CENPW: variants seen among roughly 807,000 people sequenced by gnomAD.
The protein encoded by CENPW is cancer-up-regulated gene 2 protein.
CENPW carries 3 observed loss-of-function variants against 11.1 expected under a neutral mutation model. The ratio of observed to expected loss-of-function variants is 0.27; its 90% confidence interval spans 0.12 to 0.70. CENPW has a LOEUF of 0.70. Among genes scored for constraint, CENPW ranks in the 30% least tolerant of loss-of-function variants. The probability of loss-of-function intolerance (pLI) is 0.77; values close to 1 mark genes in which losing one functional copy is unlikely to be tolerated. For synonymous variants in CENPW, 38 were observed against 42.0 expected (o/e 0.91, Z 0.37); for missense variants, 100 against 105.6 (o/e 0.95, Z 0.23).
chr6:126,377,840 G>T, the CENPW span, among the ~76,000 whole-genome samples: 2 of 152,088 alleles, frequency 1.3e-5, no homozygotes, highest in East Asian at 3.9e-4. Flanking sequence ...CCAGAACCTT[G>T]GAGAACCTTC....
chr6:126,427,548 C>T, the CENPW span, among the ~76,000 whole-genome samples: 1 of 152,194 alleles, frequency 6.6e-6, no homozygotes, highest in Non-Finnish European at 1.5e-5. Flanking sequence ...AGATAACCCT[C>T]CTTACACTAC....
the CENPW span, among the ~76,000 whole-genome samples, chr6:126,374,504 A>C: frequency 6.6e-6 from 1 of 152,250 alleles, no homozygotes; most frequent in Non-Finnish European, 1.5e-5. Flanking sequence ...AAAGACAGGC[A>C]TAGACATGGT....
the CENPW span, among the ~76,000 whole-genome samples, chr6:126,376,420 T>G: frequency 3.9e-5 from 6 of 152,164 alleles, no homozygotes; most frequent in Non-Finnish European, 7.4e-5. Flanking sequence ...TCTCTAGTCT[T>G]GTACTGTTCT....
the CENPW span, among the ~76,000 whole-genome samples, chr6:126,464,965 C>T: frequency 1.3e-5 from 2 of 152,036 alleles, no homozygotes; most frequent in Non-Finnish European, 2.9e-5. Flanking sequence ...ACAGGGATGT[C>T]CAGTATTACC....
the CENPW span, among the ~76,000 whole-genome samples, chr6:126,430,748 A>G: frequency 1.3e-5 from 2 of 152,014 alleles, no homozygotes; most frequent in Non-Finnish European, 2.9e-5. Context: ...TCAGGAGATC[A>G]AGACCATCCT....
At chr6:126,362,180 T>C in the CENPW span, among the ~76,000 whole-genome samples, 1 of 152,166 alleles carries the variant, frequency 6.6e-6, no homozygotes, top group Non-Finnish European at 1.5e-5. Flanking sequence ...GGTAGTCAGC[T>C]GGGGCTGGAG....
At chr6:126,397,338 C>G in the CENPW span, among the ~76,000 whole-genome samples, 1 of 152,130 alleles carries the variant, frequency 6.6e-6, no homozygotes, top group Admixed American at 6.6e-5. Context: ...GATAGGGAAG[C>G]ACTGAATTCA....
chr6:126,450,063 C>T, the CENPW span, among the ~76,000 whole-genome samples: 1 of 151,022 alleles, frequency 6.6e-6, no homozygotes, highest in Non-Finnish European at 1.5e-5. Context: ...TCCAACTGTT[C>T]AGAAGATGCA....
At chr6:126,384,110 T>C in the CENPW span, among the ~76,000 whole-genome samples, 1 of 152,010 alleles carries the variant, frequency 6.6e-6, no homozygotes, top group African/African-American at 2.4e-5. Flanking sequence ...CTCAAAACCA[T>C]GTAATTACAT....
the CENPW span, among the ~76,000 whole-genome samples, chr6:126,434,584 G>A: frequency 6.6e-6 from 1 of 151,926 alleles, no homozygotes; most frequent in Non-Finnish European, 1.5e-5. Flanking sequence ...TATTCATTGT[G>A]TGTATGAAAA....
the CENPW span, among the ~76,000 whole-genome samples, chr6:126,444,414 T>C: frequency 6.6e-6 from 1 of 150,940 alleles, no homozygotes; most frequent in Non-Finnish European, 1.5e-5. Flanking sequence ...AATTTTCCTT[T>C]TTCTATATTC....
the CENPW span, among the ~76,000 whole-genome samples, chr6:126,481,574 A>G: frequency 6.6e-6 from 1 of 152,048 alleles, no homozygotes; most frequent in African/African-American, 2.4e-5. Flanking sequence ...TCCAGCAATA[A>G]TTAACCCAAT....
chr6:126,471,616 A>G, the CENPW span, among the ~76,000 whole-genome samples: 3 of 152,258 alleles, frequency 2.0e-5, no homozygotes, highest in Non-Finnish European at 4.4e-5. Context: ...AAAACATCAC[A>G]GTAATCAAAA....
chr6:126,374,071 G>A, the CENPW span, among the ~76,000 whole-genome samples: 3 of 152,122 alleles, frequency 2.0e-5, no homozygotes, highest in Non-Finnish European at 4.4e-5. Context: ...TAAAGGCCAG[G>A]TATAGAGATC....
At chr6:126,406,853 GAA>G in the CENPW span, among the ~76,000 whole-genome samples, 81 of 139,574 alleles carry the variant, frequency 5.8e-4, no homozygotes, top group African/African-American at 1.9e-3. Context: ...CTCCATCCTG[GAA>G]AAAAAAAAAA....
the CENPW span, among the ~76,000 whole-genome samples, chr6:126,447,898 C>T: frequency 6.6e-5 from 10 of 151,260 alleles, no homozygotes; most frequent in Non-Finnish European, 1.0e-4. Flanking sequence ...ATTCACTGTT[C>T]CACTTCTTGT....
chr6:126,421,921 C>T, the CENPW span, among the ~76,000 whole-genome samples: 4 of 152,058 alleles, frequency 2.6e-5, no homozygotes, highest in Non-Finnish European at 5.9e-5. Flanking sequence ...ATGAGAGCTT[C>T]AAGGCCATGA....
At chr6:126,473,320 G>C in the CENPW span, among the ~76,000 whole-genome samples, 1 of 152,180 alleles carries the variant, frequency 6.6e-6, no homozygotes, top group Admixed American at 6.5e-5. Flanking sequence ...ACTATGTTTA[G>C]CTCTATAAAA....
the CENPW span, among the ~76,000 whole-genome samples, chr6:126,390,521 A>G: frequency 2.0e-5 from 3 of 152,042 alleles, no homozygotes; most frequent in African/African-American, 4.8e-5. Flanking sequence ...ATTATTGACT[A>G]TAGTTACCCA....
Sources: gnomAD v4.1 joint callset for allele counts (sites outside exome capture counted in the v4.1 genomes callset) on GRCh38, gnomAD v4.1.1 for gene constraint, MANE v1.5 for transcripts, NCBI Gene and HGNC (gene_info 2026-07-23, HGNC 2026-07-21) for gene names.